SH3BGR: variants seen among roughly 807,000 people sequenced by gnomAD.
The protein encoded by SH3BGR is SH3 domain binding glutamate rich protein, also known as SH3 domain-binding glutamic acid-rich protein.
A neutral mutation model predicts 24.5 loss-of-function variants in SH3BGR; 29 were observed. That is an observed-to-expected ratio of 1.18 (90% confidence interval 0.88 to 1.61). The LOEUF (loss-of-function observed/expected upper bound fraction) is 1.61. Ranked by LOEUF, SH3BGR falls within the 40% of genes most tolerant of loss-of-function variation. The probability of loss-of-function intolerance (pLI) is 0.00; values close to 1 mark genes in which losing one functional copy is unlikely to be tolerated. For missense variants in SH3BGR, 162 were observed against 205.8 expected (o/e 0.79, Z 1.30); for synonymous variants, 55 against 65.7 (o/e 0.84, Z 0.79).
chr21:39,484,696 T>C (rs1423457305), intron 3 of SH3BGR, among the ~76,000 whole-genome samples: 1 of 152,188 alleles, frequency 6.6e-6, no homozygotes, highest in East Asian at 1.9e-4. Flanking sequence ...AGAAGCAACA[T>C]GAAGCCCAAG....
chr21:39,483,949 G>A (rs2123431203), intron 3 of SH3BGR, among the ~76,000 whole-genome samples: 1 of 152,246 alleles, frequency 6.6e-6, no homozygotes, highest in South Asian at 2.1e-4. Context: ...TGGGAAGATG[G>A]ATTTATACAC....
At chr21:39,485,562 A>G (rs1053816025) in intron 3 of SH3BGR, among the ~76,000 whole-genome samples, 1 of 152,192 alleles carries the variant, frequency 6.6e-6, no homozygotes, top group Non-Finnish European at 1.5e-5. Context: ...AATCCTATGT[A>G]ATTAATTCCT....
At chr21:39,500,354 A>C (rs964122755) in intron 4 of SH3BGR, among the ~76,000 whole-genome samples, 4 of 152,290 alleles carry the variant, frequency 2.6e-5, no homozygotes, top group African/African-American at 9.6e-5. Flanking sequence ...GAGGATAAAA[A>C]GGACTCCTTG....
At position 39,454,489 on chromosome 21, in the gene SH3BGR, A is replaced by C. The variant is rs57026565; in HGVS notation, c.45+2348A>C. ...ACCACGTTCTGGACGGATTTGGGTT[A>C]AGAGACCCTGGGGAGCAGGAGAGGG... On this transcript the variant is annotated intron_variant, in intron 1 of 6. Transcript: ENST00000333634. 2.0e-3 allele frequency among the ~76,000 whole-genome samples: 302 copies of C among 152,322 alleles called. 1 individual carries two copies. The highest frequency in any genetic ancestry group is 7.1e-3 in the African/African-American group (294 of 41,570).
upstream of SH3BGR, among the ~76,000 whole-genome samples, chr21:39,451,183 A>C (rs2077570049): frequency 6.6e-6 from 1 of 152,244 alleles, no homozygotes; most frequent in South Asian, 2.1e-4. Flanking sequence ...AAACACAAAT[A>C]TATATAAATA....
At chr21:39,508,118 A>G (rs951908977) in intron 4 of SH3BGR, among the ~76,000 whole-genome samples, 11 of 152,182 alleles carry the variant, frequency 7.2e-5, no homozygotes, top group African/African-American at 2.4e-4. Context: ...GGTGCTGGGT[A>G]GAGAATGTAT....
chr21:39,459,664 C>CT (rs2077722863), intron 1 of SH3BGR, among the ~76,000 whole-genome samples: 1 of 151,870 alleles, frequency 6.6e-6, no homozygotes, highest in Non-Finnish European at 1.5e-5. Context: ...GTAGCTGGGA[C>CT]TACAGGCATG....
chr21:39,489,025 C>A (rs1017727103), intron 3 of SH3BGR, among the ~76,000 whole-genome samples: 4 of 152,182 alleles, frequency 2.6e-5, no homozygotes, highest in African/African-American at 9.7e-5. Flanking sequence ...GAACAGTGTT[C>A]AGGCCTCCAT....
chr21:39,451,358 A>G (rs1040975114), upstream of SH3BGR, among the ~76,000 whole-genome samples: 22 of 152,128 alleles, frequency 1.4e-4, no homozygotes, highest in African/African-American at 4.8e-4. Flanking sequence ...GCCAGCGGCT[A>G]TTTCCCTACC....
At chr21:39,489,399 G>T (rs2078262522) in intron 3 of SH3BGR, among the ~76,000 whole-genome samples, 1 of 152,222 alleles carries the variant, frequency 6.6e-6, no homozygotes, top group African/African-American at 2.4e-5. Flanking sequence ...GATGGGAGTG[G>T]CTCTGTGGGC....
At chr21:39,510,437 C>CACACACACACACACACACTGTAGCT (rs1245446764) in intron 5 of SH3BGR, among the ~76,000 whole-genome samples, 2,095 of 102,516 alleles carry the variant, frequency 0.02, 81 homozygotes, top group African/African-American at 0.089. Flanking sequence ...GCTACACACA[C>CACACACACACACACACACTGTAGCT]ACACACACAC....
At chr21:39,477,880 CAAAT>C (rs1173593432) in intron 3 of SH3BGR, among the ~76,000 whole-genome samples, 16 of 152,232 alleles carry the variant, frequency 1.1e-4, no homozygotes, top group Admixed American at 3.9e-4. Flanking sequence ...TTTAAGTTGA[CAAAT>C]AAAGTGTATA....
intron 3 of SH3BGR, among the ~76,000 whole-genome samples, chr21:39,479,247 G>GTGGTGGTGA (rs1569160885): frequency 2.7e-5 from 4 of 149,588 alleles, no homozygotes; most frequent in African/African-American, 9.8e-5. Context: ...GGTGGTGGTG[G>GTGGTGGTGA]TGGTGGTGGT....
chr21:39,513,765 A>T (rs1187425187), intron 6 of SH3BGR, among the ~76,000 whole-genome samples: 1 of 152,202 alleles, frequency 6.6e-6, no homozygotes, highest in East Asian at 1.9e-4. Flanking sequence ...GATTATATTT[A>T]TCCTCATACC....
chr21:39,446,501 A>G (rs1899550947), intron 1 of SH3BGR, among the ~76,000 whole-genome samples: 1 of 152,214 alleles, frequency 6.6e-6, no homozygotes, highest in South Asian at 2.1e-4. Context: ...GAGGCTTTCT[A>G]AAGGTAGAGG....
At chr21:39,498,709 T>C (rs8133862) in intron 3 of SH3BGR, among the ~76,000 whole-genome samples, 78,729 of 151,378 alleles carry the variant, frequency 0.52, 20,864 homozygotes, top group East Asian at 0.67. Flanking sequence ...CGAGCCATCG[T>C]CCCCATGCCC....
At chr21:39,487,615 C>T (rs2078232075) in intron 3 of SH3BGR, among the ~76,000 whole-genome samples, 1 of 152,124 alleles carries the variant, frequency 6.6e-6, no homozygotes, top group South Asian at 2.1e-4. Flanking sequence ...GTTTCAAATC[C>T]CTCTATTAGA....
intron 2 of SH3BGR, among the ~76,000 whole-genome samples, chr21:39,474,449 T>C (rs552351678): frequency 6.6e-6 from 1 of 152,298 alleles, no homozygotes; most frequent in East Asian, 1.9e-4. Context: ...GGGAATATCG[T>C]TTATGTTTTA....
chr21:39,461,909 C>T (rs186423340), intron 1 of SH3BGR, among the ~76,000 whole-genome samples: 1 of 152,152 alleles, frequency 6.6e-6, no homozygotes, highest in African/African-American at 2.4e-5. Flanking sequence ...ATTGCAGTGG[C>T]ATGATCTCGG....
Sources: allele counts gnomAD v4.1 joint callset (sites outside exome capture counted in the v4.1 genomes callset), GRCh38; gene constraint gnomAD v4.1.1; transcripts MANE v1.5; gene names NCBI Gene and HGNC (gene_info 2026-07-23, HGNC 2026-07-21).